Variants in ASB4 observed in about 807,000 individuals in gnomAD.
The protein encoded by ASB4 is ankyrin repeat and SOCS box protein 4.
A neutral mutation model predicts 38.6 loss-of-function variants in ASB4; 35 were observed. The observed-to-expected ratio is 0.91, with a 90% confidence interval of 0.69 to 1.20. ASB4 has a LOEUF of 1.20. Among genes scored for constraint, ASB4 ranks in the 50% most tolerant of loss-of-function variants. The probability of loss-of-function intolerance (pLI) is 0.00; values close to 1 mark genes in which losing one functional copy is unlikely to be tolerated. For missense variants in ASB4, 557 were observed against 527.2 expected, an observed-to-expected ratio of 1.06 and a Z score of -0.55; for synonymous variants, 195 against 201.3, an observed-to-expected ratio of 0.97 and a Z score of 0.26.
chr7:95,501,667 T>G (rs1790339432), intron 2 of ASB4, among the ~76,000 whole-genome samples: 1 of 152,220 alleles, frequency 6.6e-6, no homozygotes. Flanking sequence ...TTCATGTGAC[T>G]TCATCAACCA....
upstream of ASB4, chr7:95,485,920 C>G: frequency 1.3e-6 from 2 of 1,533,630 alleles, no homozygotes; most frequent in South Asian, 2.4e-5. Flanking sequence ...CCTGTTTGCT[C>G]GGTGCTGTTC....
intron 3 of ASB4, among the ~76,000 whole-genome samples, chr7:95,532,825 A>G (rs560239455): frequency 1.3e-5 from 2 of 152,196 alleles, no homozygotes; most frequent in South Asian, 4.2e-4. Flanking sequence ...TTTTTTGTCT[A>G]ATTGTTCCTC....
At chr7:95,490,506 A>G (rs1484800316) in intron 1 of ASB4, among the ~76,000 whole-genome samples, 2 of 152,272 alleles carry the variant, frequency 1.3e-5, no homozygotes, top group Non-Finnish European at 2.9e-5. Flanking sequence ...ACATGGACAC[A>G]GGCAGAGCAA....
At chr7:95,526,892 A>G (rs1425768341) in intron 2 of ASB4, among the ~76,000 whole-genome samples, 1 of 152,216 alleles carries the variant, frequency 6.6e-6, no homozygotes, top group African/African-American at 2.4e-5. Flanking sequence ...GGAAAATTTC[A>G]GCTTCTTGAG....
At chr7:95,515,252 C>CTTCT (rs1202406145) in intron 2 of ASB4, among the ~76,000 whole-genome samples, 1 of 52,670 alleles carries the variant, frequency 1.9e-5, no homozygotes, top group South Asian at 6.6e-4. Context: ...TCTTTCTTTC[C>CTTCT]TTCTTTCTTT....
At chr7:95,474,662 C>T (rs183724249), upstream of ASB4, among the ~76,000 whole-genome samples, 5 of 152,172 alleles carry the variant, frequency 3.3e-5, no homozygotes, top group East Asian at 1.9e-4. Context: ...GCTGAAACTA[C>T]GGGCACATGC....
At chr7:95,533,477 C>T (rs1790846936) in intron 3 of ASB4, among the ~76,000 whole-genome samples, 1 of 152,208 alleles carries the variant, frequency 6.6e-6, no homozygotes, top group Non-Finnish European at 1.5e-5. Flanking sequence ...CTGTTCCTTA[C>T]CTGTTTCAGT....
chr7:95,483,277 C>T (rs1449079425), upstream of ASB4, among the ~76,000 whole-genome samples: 6 of 152,170 alleles, frequency 3.9e-5, no homozygotes, highest in South Asian at 2.1e-4. Context: ...ACTTGATACA[C>T]GTGGTCTGGC....
In ASB4 at chr7:95,527,834, C is replaced by A; in HGVS notation, c.509C>A (p.Thr170Asn). The A allele has an allele frequency of 6.2e-7, 1 of 1,603,326 alleles. No individual in the cohort carries two copies. Among genetic ancestry groups the A allele is most frequent in the Admixed American group, 1.7e-5 (1 of 59,832 alleles). The change falls in exon 3 of 5, where the codon ACC becomes AAC. Residue 170 changes from threonine (T) to asparagine (N), a missense_variant. Transcript: ENST00000325885. ...ATAGGGGCGAATGTGAACATGAAGA[C>A]CAACAACCAAGATGAGGAGACGCCC... ...VWRGANVNMK[T>N]NNQDEETPLH...
At chr7:95,532,005 A>T (rs967105784) in intron 3 of ASB4, among the ~76,000 whole-genome samples, 5 of 152,170 alleles carry the variant, frequency 3.3e-5, no homozygotes, top group Admixed American at 6.5e-5. Context: ...GGTATTACAA[A>T]CATTTTTGTT....
chr7:95,504,343 C>A (rs1192972251), intron 2 of ASB4, among the ~76,000 whole-genome samples: 1 of 149,758 alleles, frequency 6.7e-6, no homozygotes, highest in African/African-American at 2.5e-5. Context: ...GACAGTGACA[C>A]AAGTCAACCA....
chr7:95,504,206 C>G (rs766588725), intron 2 of ASB4, among the ~76,000 whole-genome samples: 15 of 152,130 alleles, frequency 9.9e-5, no homozygotes, highest in Non-Finnish European at 2.1e-4. Context: ...CAAATCCTGA[C>G]AGTAGGAGGA....
intron 2 of ASB4, among the ~76,000 whole-genome samples, chr7:95,527,141 A>ATAAC (rs1299804333): frequency 2.0e-5 from 3 of 152,158 alleles, no homozygotes; most frequent in African/African-American, 7.2e-5. Context: ...GATGAAAAAT[A>ATAAC]TAACCTTTAG....
At chr7:95,495,103 T>A (rs1462158222) in intron 1 of ASB4, among the ~76,000 whole-genome samples, 6 of 152,254 alleles carry the variant, frequency 3.9e-5, no homozygotes, top group African/African-American at 1.4e-4. Flanking sequence ...CCTACTTTTT[T>A]ATTTTGCCCT....
At chr7:95,472,074 T>G in the ASB4 span, 1 of 151,872 alleles carries the variant, frequency 6.6e-6, no homozygotes, top group Non-Finnish European at 1.5e-5. Flanking sequence ...TCAGTGGGTG[T>G]GTGTGGTGGT....
chr7:95,542,577 C>G (rs964301486), downstream of ASB4: 4 of 152,220 alleles, frequency 2.6e-5, no homozygotes, highest in African/African-American at 9.7e-5. Flanking sequence ...ACTACAGGTG[C>G]CTGCCACCAT....
intron 4 of ASB4, 78 bp downstream of exon 4, chr7:95,536,628 C>A: frequency 1.8e-6 from 2 of 1,081,772 alleles, no homozygotes; most frequent in Admixed American, 2.4e-5. Context: ...AAAATTGTAA[C>A]AAAAAAGTTG....
At chr7:95,532,614 A>G (rs894179174) in intron 3 of ASB4, among the ~76,000 whole-genome samples, 11 of 152,150 alleles carry the variant, frequency 7.2e-5, no homozygotes, top group African/African-American at 1.9e-4. Flanking sequence ...ACACATATAT[A>G]TCAATATAAA....
At chr7:95,497,868 C>A (rs572698779) in intron 2 of ASB4, among the ~76,000 whole-genome samples, 2 of 152,130 alleles carry the variant, frequency 1.3e-5, no homozygotes, top group Non-Finnish European at 2.9e-5. Context: ...ATAAATTAGA[C>A]CTTTTTATTG....
Sources: allele counts gnomAD v4.1 joint callset (sites outside exome capture counted in the v4.1 genomes callset), GRCh38; gene constraint gnomAD v4.1.1; transcripts MANE v1.5; gene names NCBI Gene and HGNC (gene_info 2026-07-23, HGNC 2026-07-21).